Variants in SORBS2 observed in about 807,000 individuals in gnomAD.
SORBS2 encodes the protein sorbin and SH3 domain containing 2.
Under a neutral mutation model 97.7 loss-of-function variants are expected in SORBS2, and 46 were observed. The ratio of observed to expected loss-of-function variants is 0.47; its 90% CI spans 0.37 to 0.60. The LOEUF is 0.60. Ranked by LOEUF, SORBS2 falls within the 20% of genes least tolerant of loss-of-function variation. SORBS2 has a pLI of 0.00. For missense variants in SORBS2, 1,316 were observed against 1,282.3 expected (o/e 1.03, Z -0.40); for synonymous variants, 476 against 473.4 (o/e 1.01, Z -0.07).
intron 1 of SORBS2, among the ~76,000 whole-genome samples, chr4:185,834,878 G>C (rs562567163): frequency 3.3e-5 from 5 of 152,196 alleles, no homozygotes; most frequent in African/African-American, 1.2e-4. Context: ...TAACCAAAAA[G>C]CGTTTCTGAT....
chr4:185,639,803 G>A (rs1000486547), intron 4 of SORBS2, among the ~76,000 whole-genome samples: 2 of 152,178 alleles, frequency 1.3e-5, no homozygotes, highest in Admixed American at 6.5e-5. Context: ...ACTATTAAGT[G>A]CTCACTGCTT....
At chr4:185,808,894 A>G (rs1442995048) in intron 1 of SORBS2, among the ~76,000 whole-genome samples, 2 of 152,240 alleles carry the variant, frequency 1.3e-5, no homozygotes, top group Non-Finnish European at 2.9e-5. Flanking sequence ...TATACATTTT[A>G]TAATAGCCAT....
chr4:185,796,539 G>A (rs111992260), intron 1 of SORBS2, among the ~76,000 whole-genome samples: 19 of 76,810 alleles, frequency 2.5e-4, no homozygotes, highest in South Asian at 1.1e-3. Context: ...TGGTCACGGT[G>A]GGGCTGGGCA....
intron 1 of SORBS2, among the ~76,000 whole-genome samples, chr4:185,892,578 T>C (rs1166418036): frequency 6.6e-6 from 1 of 152,196 alleles, no homozygotes. Flanking sequence ...TCGCAGAATA[T>C]TATTTAACCT....
At chr4:185,948,978 C>T (rs2099275890) in intron 1 of SORBS2, among the ~76,000 whole-genome samples, 1 of 151,620 alleles carries the variant, frequency 6.6e-6, no homozygotes, top group Admixed American at 6.6e-5. Context: ...AAAGGATTAT[C>T]AAATGTTTGA....
chr4:185,864,067 G>T (rs566836452), intron 1 of SORBS2, among the ~76,000 whole-genome samples: 11 of 152,258 alleles, frequency 7.2e-5, no homozygotes, highest in African/African-American at 2.6e-4. Context: ...TAACTCTTGT[G>T]TTATAGTTAA....
At chr4:185,930,814 T>A (rs1016943488) in intron 1 of SORBS2, among the ~76,000 whole-genome samples, 2 of 152,238 alleles carry the variant, frequency 1.3e-5, no homozygotes, top group Admixed American at 1.3e-4. Flanking sequence ...AATTCTGTGA[T>A]GGAAAAAGTA....
intron 2 of SORBS2, among the ~76,000 whole-genome samples, chr4:185,735,794 CAT>C (rs1345207010): frequency 6.6e-6 from 1 of 152,076 alleles, no homozygotes; most frequent in Non-Finnish European, 1.5e-5. Context: ...AAATTCTATA[CAT>C]GTCTTCATGA....
Position 185,684,118 on chromosome 4 carries a change from G to A in SORBS2, c.-197-5296C>T, listed in dbSNP as rs1008052249. ...GCCTCCCTTTGACCTTCTAACAGCT[G>A]CACCCCCTCCCAGTGCAGACTGTGC... On this transcript the variant is annotated intron_variant, in intron 2 of 20. Coordinates refer to the SORBS2 transcript ENST00000284776. This position sits in a 1 kb window ranked among gnomAD's most constrained non-coding sequence, Gnocchi z 4.2. Among the ~76,000 whole-genome samples, 1 of 152,068 alleles carries A rather than the reference G, an allele frequency of 6.6e-6. No homozygotes were observed. The highest frequency in any genetic ancestry group is 1.5e-5 in the Non-Finnish European group (1 of 68,014).
At chr4:185,593,585 T>C (rs776854125) in intron 13 of SORBS2, 9 of 340,500 alleles carry the variant, frequency 2.6e-5, no homozygotes, top group Middle Eastern at 8.1e-4. Flanking sequence ...AGTTACTCGT[T>C]ACACAGCCAG....
At chr4:185,683,456 C>T (rs1263815863) in intron 2 of SORBS2, among the ~76,000 whole-genome samples, 3 of 152,162 alleles carry the variant, frequency 2.0e-5, no homozygotes, top group Non-Finnish European at 4.4e-5. Flanking sequence ...TCCAATTACA[C>T]GATGGCCCTG....
At chr4:185,657,630 C>T (rs934216710), upstream of SORBS2, 5 of 1,569,518 alleles carry the variant, frequency 3.2e-6, no homozygotes, top group African/African-American at 1.4e-5. Context: ...GGAACGTATT[C>T]GTTGCACAGG....
At chr4:185,763,536 G>T (rs955883389) in intron 2 of SORBS2, among the ~76,000 whole-genome samples, 3 of 152,078 alleles carry the variant, frequency 2.0e-5, no homozygotes, top group Non-Finnish European at 4.4e-5. Context: ...AATTCTGAAG[G>T]TTTTCATGCC....
intron 1 of SORBS2, among the ~76,000 whole-genome samples, chr4:185,800,314 C>T (rs1389662655): frequency 6.6e-6 from 1 of 152,210 alleles, no homozygotes; most frequent in Non-Finnish European, 1.5e-5. Flanking sequence ...CTTTCTAAGT[C>T]ATAGAGATTT....
chr4:185,652,857 T>C, intron 1 of SORBS2, 129 bp from the exon 10 acceptor site: 1 of 718,008 alleles, frequency 1.4e-6, no homozygotes, highest in Non-Finnish European at 2.5e-6. Context: ...TTCTGACTCT[T>C]TGCTATGGCT....
intron 1 of SORBS2, among the ~76,000 whole-genome samples, chr4:185,792,650 GT>G (rs1042666917): frequency 4.3e-4 from 66 of 151,966 alleles, no homozygotes; most frequent in African/African-American, 1.5e-3. Context: ...ATCCTAGACT[GT>G]TTTTTTTCTT....
chr4:185,847,374 A>C (rs2149675086), intron 1 of SORBS2, among the ~76,000 whole-genome samples: 1 of 152,286 alleles, frequency 6.6e-6, no homozygotes, highest in Non-Finnish European at 1.5e-5. Context: ...GGATTGGTGC[A>C]CCAAATTCTC....
At chr4:185,929,939 C>T (rs1427757559) in intron 1 of SORBS2, among the ~76,000 whole-genome samples, 1 of 152,152 alleles carries the variant, frequency 6.6e-6, no homozygotes, top group South Asian at 2.1e-4. Context: ...ATTTCACTCT[C>T]AAGCCTCAGC....
chr4:185,736,973 T>C (rs529409295), intron 2 of SORBS2, among the ~76,000 whole-genome samples: 221 of 152,308 alleles, frequency 1.5e-3, no homozygotes, highest in Middle Eastern at 0.01. Context: ...CGAGTTGGCA[T>C]GCCAAGGAAA....
Sources: gnomAD v4.1 joint callset for allele counts (sites outside exome capture counted in the v4.1 genomes callset) on GRCh38, gnomAD v4.1.1 for gene constraint, Gnocchi (gnomAD v3.1) non-coding constraint, MANE v1.5 for transcripts, NCBI Gene and HGNC (gene_info 2026-07-23, HGNC 2026-07-21) for gene names.